The following AGAP1 variants were observed in gnomAD, a reference collection of about 807,000 sequenced individuals.
AGAP1 encodes ArfGAP with GTPase domain, ankyrin repeat and PH domain 1.
AGAP1 carries 29 observed loss-of-function variants against 105.3 expected under a neutral mutation model. That is an observed-to-expected ratio of 0.28 (90% CI 0.21 to 0.38). AGAP1 has a LOEUF of 0.38. Ranked by LOEUF, AGAP1 falls within the 10% of genes least tolerant of loss-of-function variation. The probability of loss-of-function intolerance (pLI) is 1.00; values close to 1 mark genes in which losing one functional copy is unlikely to be tolerated. For missense variants in AGAP1, 998 were observed against 1,165.1 expected (o/e 0.86, Z 2.09); for synonymous variants, 509 against 485.9 (o/e 1.05, Z -0.63).
At chr2:235,821,666 T>C (rs1958797231) in intron 9 of AGAP1, among the ~76,000 whole-genome samples, 1 of 152,232 alleles carries the variant, frequency 6.6e-6, no homozygotes, top group African/African-American at 2.4e-5. Flanking sequence ...AGTACAGCTA[T>C]AAAAACCAGG....
At chr2:235,956,921 T>C (rs1254849158) in intron 12 of AGAP1, among the ~76,000 whole-genome samples, 1 of 152,226 alleles carries the variant, frequency 6.6e-6, no homozygotes, top group African/African-American at 2.4e-5. Context: ...CACTAGACCG[T>C]ATAGTGGACG....
intron 1 of AGAP1, among the ~76,000 whole-genome samples, chr2:235,532,455 C>A (rs1943075669): frequency 6.6e-6 from 1 of 152,204 alleles, no homozygotes; most frequent in South Asian, 2.1e-4. Flanking sequence ...ATCCTCCTGC[C>A]TCGGGCTCCC....
At chr2:236,074,135 ACT>A (rs1312752581) in intron 16 of AGAP1, among the ~76,000 whole-genome samples, 3 of 152,040 alleles carry the variant, frequency 2.0e-5, no homozygotes, top group African/African-American at 7.2e-5. Context: ...ATACCAGCTG[ACT>A]CTGAGGAGCA....
rs1489059755 is a variant in AGAP1 at position 235,983,629 on chromosome 2, A to AT, written c.1645+15008dup. Among the ~76,000 whole-genome samples, 2 of 152,110 alleles carry AT rather than the reference A, an allele frequency of 1.3e-5. No individual in the cohort carries two copies. Among genetic ancestry groups the AT allele is most frequent in the Non-Finnish European group, 2.9e-5 (2 of 68,038 alleles). The stretch of plus-strand genomic sequence containing the variant: ...AGTAATGTGATGGTGGTCCCATGAG[A>AT]TTATAATACCGTGTCCTTACTGTGC... On this transcript the variant is annotated intron_variant, in intron 13 of 17. Transcript: ENST00000304032. The surrounding 1 kb of genome is among the most constrained non-coding windows in gnomAD (Gnocchi z 4.5).
rs905589448 is a variant in AGAP1 at position 235,517,215 on chromosome 2, T to C, written c.163+22366T>C. ...CGTTCTCAGGAGGACACCAGTCTTG[T>C]TGGATGAGGGTCCCACCCTTAAGCT... On this transcript the variant is annotated intron_variant, in intron 1 of 17. Coordinates refer to ENST00000304032, the MANE Select transcript of AGAP1 (RefSeq NM_001037131.3). The surrounding 1 kb of genome is among the most constrained non-coding windows in gnomAD (Gnocchi z 4.1). Among the ~76,000 whole-genome samples, 1 of 152,202 alleles carries C rather than the reference T, an allele frequency of 6.6e-6. No individual in the cohort carries two copies. Among genetic ancestry groups the C allele is most frequent in the African/African-American group, 2.4e-5 (1 of 41,440 alleles).
chr2:235,646,701 G>A (rs1283039529), intron 1 of AGAP1, among the ~76,000 whole-genome samples: 6 of 152,186 alleles, frequency 3.9e-5, no homozygotes, highest in Admixed American at 2.6e-4. Context: ...CTAGAGATAA[G>A]TTCAAGGTCA....
chr2:235,778,509 C>T (rs542869255), intron 6 of AGAP1, among the ~76,000 whole-genome samples: 23 of 151,726 alleles, frequency 1.5e-4, no homozygotes, highest in South Asian at 2.1e-4. Context: ...CCCCAGGCCC[C>T]TCACTCACTC....
chr2:235,693,219 G>C (rs763721519), intron 1 of AGAP1, among the ~76,000 whole-genome samples: 4 of 152,292 alleles, frequency 2.6e-5, no homozygotes, highest in African/African-American at 4.8e-5. Context: ...GGGCTTTGGG[G>C]CTGCAGTGCA....
chr2:235,697,608 C>G (rs544128135), intron 1 of AGAP1, among the ~76,000 whole-genome samples: 3 of 152,182 alleles, frequency 2.0e-5, no homozygotes, highest in South Asian at 2.1e-4. Flanking sequence ...TCTTAGTCTG[C>G]TCTTGTGGCG....
At position 235,494,793 on chromosome 2, in the gene AGAP1, G is replaced by T; in HGVS notation, c.107G>T (p.Arg36Leu). 6.3e-7 allele frequency: 1 copy of T among 1,584,996 alleles called. No homozygotes were observed. Among genetic ancestry groups the T allele is most frequent in the Non-Finnish European group, 8.6e-7 (1 of 1,165,652 alleles). The change falls in exon 1 of 18, where the codon CGC becomes CTC. Residue 36 changes from arginine (R) to leucine (L), a missense_variant. By Grantham distance (102) the Arg-to-Leu change is moderately radical. Transcript: ENST00000304032. ...TACTCCATCTACGAGCTGCTGGAGC[G>T]CGTGGAGGAGCCGGTGCTGCAGAAC... ...NIYSIYELLE[R>L]VEEPVLQNQI...
At chr2:235,880,168 C>A (rs144302537) in intron 9 of AGAP1, among the ~76,000 whole-genome samples, 1 of 151,506 alleles carries the variant, frequency 6.6e-6, no homozygotes, top group African/African-American at 2.4e-5. Context: ...ACATGCCTCC[C>A]GATTAGACTG....
chr2:235,671,492 C>G (rs569353251), intron 1 of AGAP1, among the ~76,000 whole-genome samples: 1 of 152,178 alleles, frequency 6.6e-6, no homozygotes, highest in African/African-American at 2.4e-5. Context: ...TCCTGGCGCC[C>G]CTCCCTGCCT....
intron 1 of AGAP1, among the ~76,000 whole-genome samples, chr2:235,678,147 A>G (rs1948858816): frequency 6.6e-6 from 1 of 152,088 alleles, no homozygotes; most frequent in South Asian, 2.1e-4. Context: ...TGACAGCTCC[A>G]AGATATTTGG....
In AGAP1 at chr2:235,842,447, G is replaced by C. The variant is rs531504541; in HGVS notation, c.1050+35116G>C. On this transcript the variant is annotated intron_variant, in intron 9 of 17. Transcript: ENST00000304032. This position sits in a 1 kb window ranked among gnomAD's most constrained non-coding sequence, Gnocchi z 5.3. ...GGTTGTTTTCTCTGGTCACCGTTTG[G>C]CAATGGAAGGTACTAGGTCTGCCAC... Among the ~76,000 whole-genome samples, 1 of 152,172 alleles carries C rather than the reference G, an allele frequency of 6.6e-6. No homozygotes were observed.
chr2:235,972,298 A>G (rs1233214456), intron 13 of AGAP1, among the ~76,000 whole-genome samples: 1 of 152,216 alleles, frequency 6.6e-6, no homozygotes, highest in Admixed American at 6.5e-5. Flanking sequence ...ACTAGGTTCA[A>G]ATCTCTTTAG....
At chr2:235,548,405 A>T (rs1321788754) in intron 1 of AGAP1, among the ~76,000 whole-genome samples, 1 of 152,138 alleles carries the variant, frequency 6.6e-6, no homozygotes. Context: ...CACACCTGTA[A>T]TCCCAGCACT....
chr2:236,036,562 A>G lies in AGAP1; in HGVS notation c.1647A>G (p.Glu549=), dbSNP rs1285246549. 7 of 1,613,908 alleles carry G rather than the reference A, an allele frequency of 4.3e-6. No homozygotes were observed. Among genetic ancestry groups the G allele is most frequent in the Non-Finnish European group, 5.9e-6 (7 of 1,179,916 alleles). The change falls in exon 14 of 18, where the codon GAA becomes GAG. Residue 549 remains glutamate (E), a splice_region_variant and synonymous_variant. Transcript: ENST00000304032. This position sits in a 1 kb window ranked among gnomAD's most constrained non-coding sequence, Gnocchi z 5.7. The part of the protein sequence containing the change: ...KADGLSGTAE[E]QEENFEFIIV... Reference sequence around the variant, plus strand: ...TTCATCCCACACTCTGTGTTTCAGAACAAGAAGAAAATTTTGAGTTTATCA... The same window carrying G: ...TTCATCCCACACTCTGTGTTTCAGAGCAAGAAGAAAATTTTGAGTTTATCA...
chr2:235,944,721 C>T (rs141359250), intron 12 of AGAP1, among the ~76,000 whole-genome samples: 49 of 152,110 alleles, frequency 3.2e-4, no homozygotes, highest in East Asian at 9.7e-4. Context: ...GGGGGTGGTA[C>T]GAGGGGAACT....
chr2:235,666,158 C>T (rs756379924), intron 1 of AGAP1, among the ~76,000 whole-genome samples: 9 of 151,840 alleles, frequency 5.9e-5, no homozygotes, highest in Non-Finnish European at 1.0e-4. Context: ...AGCACGGAGG[C>T]ATTACCCGGC....
Sources: gnomAD v4.1 joint callset for allele counts (sites outside exome capture counted in the v4.1 genomes callset) on GRCh38, gnomAD v4.1.1 for gene constraint, Gnocchi (gnomAD v3.1) non-coding constraint, MANE v1.5 for transcripts, NCBI Gene and HGNC (gene_info 2026-07-23, HGNC 2026-07-21) for gene names.